Variants in DACH2 observed in about 807,000 individuals in gnomAD.
The protein encoded by DACH2 is dachshund homolog 2.
A neutral mutation model predicts 35.8 loss-of-function variants in DACH2; 17 were observed. The observed-to-expected ratio is 0.48, with a 90% CI of 0.33 to 0.71. DACH2 has a LOEUF of 0.71. DACH2 is among the 30% of genes least tolerant of loss of function. DACH2 has a pLI of 0.02. For synonymous variants in DACH2, 195 were observed against 177.3 expected (o/e 1.10, Z -0.79); for missense variants, 469 against 472.7 (o/e 0.99, Z 0.07).
chrX:86,688,179 G>A (rs1300038788), intron 4 of DACH2, among the ~76,000 whole-genome samples: 1 of 112,058 alleles, frequency 8.9e-6, no homozygotes, highest in Non-Finnish European at 1.9e-5. Flanking sequence ...AAACATTCTG[G>A]TCATGCAACC....
chrX:86,700,713 T>C lies in DACH2; in HGVS notation c.931+5534T>C, dbSNP rs770880956. 1.4e-4 allele frequency among the ~76,000 whole-genome samples: 15 copies of C among 110,745 alleles called. No homozygotes were observed. In the South Asian group the frequency reaches 4.5e-3, roughly 34 times the overall value. On this transcript the variant is annotated intron_variant, in intron 5 of 11. Transcript: ENST00000373125. ...ACAAAAAAAATCCTCAGAGACTTAC[T>C]ATAAATACCTCTGTGCACACAAACT...
In DACH2 at chrX:86,276,481, A is replaced by G. The variant is rs1448886002; in HGVS notation, c.489-100343A>G. 2.7e-5 allele frequency among the ~76,000 whole-genome samples: 3 copies of G among 111,264 alleles called. No homozygotes were observed. In the Admixed American group the frequency reaches 2.9e-4, roughly 11 times the overall value. The stretch of plus-strand genomic sequence containing the variant: ...AAATATTTTCTCTCATTCTGTGAGT[A>G]GTGTTTTCATTTTGTTGATTGTATT... On this transcript the variant is annotated intron_variant, in intron 1 of 11. Transcript: ENST00000373125.
chrX:86,498,747 T>G (rs1314518314), intron 2 of DACH2, among the ~76,000 whole-genome samples: 1 of 112,375 alleles, frequency 8.9e-6, no homozygotes, highest in African/African-American at 3.2e-5. Flanking sequence ...TATGTAAAGA[T>G]GACCTAAACC....
At chrX:86,479,250 G>T (rs751325739) in intron 2 of DACH2, among the ~76,000 whole-genome samples, 268 of 110,940 alleles carry the variant, frequency 2.4e-3, no homozygotes, top group East Asian at 5.4e-3. Context: ...GGTTTTTATG[G>T]GTATAGGATG....
intron 3 of DACH2, among the ~76,000 whole-genome samples, chrX:86,529,474 AC>A (rs1434704112): frequency 1.4e-4 from 12 of 88,852 alleles, no homozygotes; most frequent in African/African-American, 4.2e-4. Flanking sequence ...CATGTGATCA[AC>A]ATTTTTTTTT....
chrX:86,166,080 T>C (rs1183857361), intron 1 of DACH2, among the ~76,000 whole-genome samples: 1 of 111,551 alleles, frequency 9.0e-6, no homozygotes, highest in Non-Finnish European at 1.9e-5. Flanking sequence ...CACTCTTTAT[T>C]GAAGAGATCG....
chrX:86,779,251 T>A (rs1299551134), intron 7 of DACH2, among the ~76,000 whole-genome samples: 1 of 111,646 alleles, frequency 9.0e-6, no homozygotes, highest in Non-Finnish European at 1.9e-5. Context: ...AAAGGTATCA[T>A]AGAAGGCAAT....
chrX:86,337,168 G>T (rs1430771814), intron 1 of DACH2, among the ~76,000 whole-genome samples: 1 of 111,337 alleles, frequency 9.0e-6, no homozygotes, highest in Non-Finnish European at 1.9e-5. Context: ...ATATTACCCA[G>T]GAGAACTTCT....
chrX:86,275,884 C>T (rs1303318968), intron 1 of DACH2, among the ~76,000 whole-genome samples: 1 of 112,212 alleles, frequency 8.9e-6, no homozygotes, highest in Non-Finnish European at 1.9e-5. Context: ...ATGACAGGAT[C>T]TCTCATTCGT....
chrX:86,507,776 A>G (rs890848906), intron 2 of DACH2, among the ~76,000 whole-genome samples: 1 of 111,981 alleles, frequency 8.9e-6, no homozygotes, highest in African/African-American at 3.2e-5. Context: ...TGACATAATG[A>G]AAGGGGTATT....
intron 3 of DACH2, among the ~76,000 whole-genome samples, chrX:86,596,603 T>G (rs1347867917): frequency 3.6e-5 from 4 of 111,700 alleles, no homozygotes; most frequent in South Asian, 7.5e-4. Flanking sequence ...ATTAGGGTTC[T>G]CCACGGTTTT....
intron 1 of DACH2, among the ~76,000 whole-genome samples, chrX:86,265,205 T>C (rs1255044636): frequency 8.9e-6 from 1 of 111,979 alleles, no homozygotes; most frequent in Non-Finnish European, 1.9e-5. Context: ...GTTGATATTA[T>C]TGCGGGACAG....
chrX:86,520,305 G>A (rs759983087), intron 3 of DACH2, among the ~76,000 whole-genome samples: 30 of 111,467 alleles, frequency 2.7e-4, no homozygotes, highest in Non-Finnish European at 3.6e-4. Flanking sequence ...AAAATTTGTC[G>A]AGGATTGTTT....
intron 3 of DACH2, among the ~76,000 whole-genome samples, chrX:86,650,253 GA>G (rs2040462979): frequency 9.5e-6 from 1 of 105,501 alleles, no homozygotes; most frequent in Non-Finnish European, 2.0e-5. Context: ...TAATACAAAA[GA>G]TTATAACTAT....
intron 7 of DACH2, among the ~76,000 whole-genome samples, chrX:86,781,110 CTT>C (rs1243095363): frequency 8.9e-6 from 1 of 111,740 alleles, no homozygotes; most frequent in Non-Finnish European, 1.9e-5. Context: ...AATGCCCTCA[CTT>C]TATCAGTAGA....
intron 1 of DACH2, among the ~76,000 whole-genome samples, chrX:86,268,489 CATTT>C (rs1328859165): frequency 9.2e-5 from 8 of 87,135 alleles, no homozygotes; most frequent in Non-Finnish European, 1.4e-4. Flanking sequence ...TCATTTAAAA[CATTT>C]ATTTTATTTT....
chrX:86,718,518 G>A (rs2041363247), intron 6 of DACH2, among the ~76,000 whole-genome samples: 1 of 111,701 alleles, frequency 9.0e-6, no homozygotes, highest in Non-Finnish European at 1.9e-5. Flanking sequence ...TTTGCTGCCT[G>A]TGCTTTTTAC....
intron 3 of DACH2, among the ~76,000 whole-genome samples, chrX:86,520,027 TTA>T (rs1220625225): frequency 9.0e-6 from 1 of 111,623 alleles, no homozygotes; most frequent in Non-Finnish European, 1.9e-5. Flanking sequence ...TCTAACTTTT[TTA>T]TGTTTACATT....
At chrX:86,496,423 A>G (rs1471174648) in intron 2 of DACH2, among the ~76,000 whole-genome samples, 2 of 111,135 alleles carry the variant, frequency 1.8e-5, no homozygotes, top group Non-Finnish European at 3.8e-5. Flanking sequence ...AGAATTCTAG[A>G]TTCTCTAATC....
Sources: gnomAD v4.1 joint callset for allele counts (sites outside exome capture counted in the v4.1 genomes callset) on GRCh38, gnomAD v4.1.1 for gene constraint, MANE v1.5 for transcripts, NCBI Gene and HGNC (gene_info 2026-07-23, HGNC 2026-07-21) for gene names.